Variants in PHLDB2 observed in about 807,000 individuals in gnomAD.
PHLDB2 encodes the protein pleckstrin homology like domain family B member 2.
A neutral mutation model predicts 123.6 loss-of-function variants in PHLDB2; 71 were observed. The ratio of observed to expected loss-of-function variants is 0.57; its 90% CI spans 0.47 to 0.70. The LOEUF is 0.70. Ranked by LOEUF, PHLDB2 falls within the 30% of genes least tolerant of loss-of-function variation. PHLDB2 has a pLI of 0.00. For synonymous variants in PHLDB2, 547 were observed against 541.6 expected (o/e 1.01, Z -0.14); for missense variants, 1,446 against 1,519.5 (o/e 0.95, Z 0.80).
chr3:111,936,798 C>CT lies in PHLDB2; in HGVS notation c.2131-2669dup, dbSNP rs541436179. Among the ~76,000 whole-genome samples, 854 of 152,026 alleles carry CT rather than the reference C, an allele frequency of 5.6e-3. 8 individuals are homozygous for CT. The highest frequency in any genetic ancestry group is 0.02 in the African/African-American group (816 of 41,504). On this transcript the variant is annotated intron_variant, in intron 6 of 17. Transcript: ENST00000431670. ...TATAAGCCAGAAAAAGGGCTTATTC[C>CT]TTTTTTTTAAATCTCAGTAATCTTT...
intron 17 of PHLDB2, among the ~76,000 whole-genome samples, chr3:111,974,018 ATATTCTG>A (rs1435466649): frequency 6.6e-6 from 1 of 152,184 alleles, no homozygotes; most frequent in African/African-American, 2.4e-5. Flanking sequence ...AATTGAGGAA[ATATTCTG>A]GACATAATGG....
At chr3:111,869,179 A>G (rs2065225117) in intron 1 of PHLDB2, among the ~76,000 whole-genome samples, 1 of 151,878 alleles carries the variant, frequency 6.6e-6, no homozygotes, top group Non-Finnish European at 1.5e-5. Flanking sequence ...TTCTTCTTTG[A>G]CAGAGCTCAG....
intron 1 of PHLDB2, among the ~76,000 whole-genome samples, chr3:111,862,328 A>G (rs565441402): frequency 1.1e-4 from 16 of 152,220 alleles, no homozygotes; most frequent in African/African-American, 3.9e-4. Context: ...CCAATTGTTG[A>G]TTGTGTAAAT....
intron 1 of PHLDB2, among the ~76,000 whole-genome samples, chr3:111,861,173 A>G (rs560900122): frequency 6.6e-6 from 1 of 152,314 alleles, no homozygotes; most frequent in African/African-American, 2.4e-5. Flanking sequence ...GTTGCCCACT[A>G]TTTTAACAGA....
At position 111,885,248 on chromosome 3, in the gene PHLDB2, G is replaced by A. The variant is rs778719861; in HGVS notation, c.1171G>A (p.Asp391Asn). 1 of 1,614,152 alleles carries A rather than the reference G, an allele frequency of 6.2e-7. No individual in the cohort carries two copies. The highest frequency in any genetic ancestry group is 1.1e-5 in the South Asian group (1 of 91,082). Residue 391 changes from aspartate to asparagine, a missense_variant, in exon 2 of 18, where the codon GAT (aspartate) becomes AAT (asparagine). Physicochemically the swap from Asp to Asn is conservative, Grantham distance 23 (BLOSUM62 1). Transcript: ENST00000431670. ...RNFSCGSVEF[D>N]EADLESLRQA... The stretch of plus-strand genomic sequence containing the variant: ...CTTCTCTTGTGGATCTGTGGAATTT[G>A]ATGAGGCAGATTTGGAAAGCCTCAG...
At position 111,792,055 on chromosome 3, in the gene PHLDB2, C is replaced by T. The variant is rs192258968; in HGVS notation, c.-48-53766C>T. ...ATGAGATCAACTTTTTTAGCTTTCA[C>T]ATATGAGTAAAAACATACAATGTTT... On this transcript the variant is annotated intron_variant, in intron 1 of 17. Transcript: ENST00000393923. Among the ~76,000 whole-genome samples, 473 of 152,290 alleles carry T rather than the reference C, an allele frequency of 3.1e-3. 5 individuals carry two copies. The highest frequency in any genetic ancestry group is 0.011 in the African/African-American group (446 of 41,562).
At chr3:111,793,720 G>A (rs2061028265) in intron 1 of PHLDB2, among the ~76,000 whole-genome samples, 1 of 151,712 alleles carries the variant, frequency 6.6e-6, no homozygotes, top group Admixed American at 6.6e-5. Flanking sequence ...GGACTCTTTG[G>A]TCAGCAGGTG....
chr3:111,898,003 A>AT (rs2066966410), intron 2 of PHLDB2, among the ~76,000 whole-genome samples: 1 of 152,240 alleles, frequency 6.6e-6, no homozygotes, highest in African/African-American at 2.4e-5. Flanking sequence ...ACATACCTTA[A>AT]TTTAAAAATA....
chr3:111,835,150 T>C (rs1329820901), intron 1 of PHLDB2, among the ~76,000 whole-genome samples: 2 of 152,254 alleles, frequency 1.3e-5, no homozygotes, highest in East Asian at 1.9e-4. Context: ...AAATATTTAA[T>C]CCTTATATCA....
chr3:111,826,728 C>T (rs1174842779), intron 1 of PHLDB2, among the ~76,000 whole-genome samples: 1 of 152,110 alleles, frequency 6.6e-6, no homozygotes, highest in East Asian at 1.9e-4. Context: ...GCAATTCTGC[C>T]AGGGGAGGTG....
chr3:111,807,255 C>T (rs77965564), intron 1 of PHLDB2, among the ~76,000 whole-genome samples: 9,706 of 152,120 alleles, frequency 0.064, 426 homozygotes, highest in South Asian at 0.16. Context: ...GAGTACCAAA[C>T]ATAGAGACAG....
intron 2 of PHLDB2, among the ~76,000 whole-genome samples, chr3:111,887,484 A>G (rs1041320530): frequency 2.0e-5 from 3 of 152,182 alleles, no homozygotes; most frequent in African/African-American, 7.2e-5. Context: ...AAGTGACTCA[A>G]ATTACTTCCT....
chr3:111,734,420 A>G (rs957083257), intron 1 of PHLDB2, among the ~76,000 whole-genome samples: 7 of 151,986 alleles, frequency 4.6e-5, no homozygotes, highest in African/African-American at 1.7e-4. Flanking sequence ...TCTACAAAAA[A>G]TTTTTTTTAA....
In PHLDB2 at chr3:111,859,391, C is replaced by G. The variant is rs2064676279; in HGVS notation, c.-200C>G. The G allele has an allele frequency of 1.0e-6, 1 of 985,688 alleles. No individual in the cohort carries two copies. Among genetic ancestry groups the G allele is most frequent in the Non-Finnish European group, 1.2e-6 (1 of 830,136 alleles). The allele number at this position is 985,688 out of a possible 1,614,324, so 61.1% of individuals were successfully genotyped here. On this transcript the variant is annotated 5_prime_UTR_variant, in exon 1 of 18. Transcript: ENST00000431670. ...TGGGAGCGGGGCAGGTCACCAACTT[C>G]GTTGCTCGAACTCCCTGGGTGCCCG...
At chr3:111,772,693 G>A (rs753244496) in intron 1 of PHLDB2, among the ~76,000 whole-genome samples, 1 of 152,166 alleles carries the variant, frequency 6.6e-6, no homozygotes, top group Non-Finnish European at 1.5e-5. Context: ...ACAAGTAAAG[G>A]TTGCCGCAAG....
rs936512997 is a variant in PHLDB2 at position 111,873,942 on chromosome 3, T to G, written c.-14-10122T>G. The stretch of plus-strand genomic sequence containing the variant: ...ACTATAAGCGAGAAATACACGATTA[T>G]TAAATATAGTTCATACCAGGAGACT... On this transcript the variant is annotated intron_variant, in intron 1 of 17. Transcript: ENST00000431670. Among the ~76,000 whole-genome samples the G allele has an allele frequency of 3.2e-4, 49 of 152,182 alleles. 1 individual carries two copies. Among genetic ancestry groups the G allele is most frequent in the Non-Finnish European group, 7.3e-5 (5 of 68,030 alleles).
chr3:111,758,014 G>A (rs1221337607), intron 1 of PHLDB2, among the ~76,000 whole-genome samples: 2 of 152,124 alleles, frequency 1.3e-5, no homozygotes, highest in East Asian at 1.9e-4. Context: ...TGCCCCTACT[G>A]GGGGGTGCCT....
intron 1 of PHLDB2, among the ~76,000 whole-genome samples, chr3:111,771,228 G>T (rs77460458): frequency 6.6e-6 from 1 of 152,172 alleles, no homozygotes; most frequent in Non-Finnish European, 1.5e-5. Flanking sequence ...TGTCAGCAGC[G>T]TTGGCTCCTT....
intron 1 of PHLDB2, among the ~76,000 whole-genome samples, chr3:111,784,708 C>T (rs932775597): frequency 8.5e-5 from 13 of 152,074 alleles, no homozygotes; most frequent in African/African-American, 2.7e-4. Flanking sequence ...AGACTTTTAG[C>T]ACACATATGC....
Sources: allele counts gnomAD v4.1 joint callset (sites outside exome capture counted in the v4.1 genomes callset), GRCh38; gene constraint gnomAD v4.1.1; transcripts MANE v1.5; gene names NCBI Gene and HGNC (gene_info 2026-07-23, HGNC 2026-07-21).